ATF7IP: variants seen among roughly 807,000 people sequenced by gnomAD.
ATF7IP encodes activating transcription factor 7-interacting protein 1.
ATF7IP carries 23 observed loss-of-function variants against 106.4 expected under a neutral mutation model. The observed-to-expected ratio is 0.22, with a 90% CI of 0.16 to 0.31. The LOEUF is 0.31. Ranked by LOEUF, ATF7IP falls within the 10% of genes least tolerant of loss-of-function variation. The probability of loss-of-function intolerance (pLI) is 1.00; values close to 1 mark genes in which losing one functional copy is unlikely to be tolerated. For synonymous variants in ATF7IP, 542 were observed against 539.0 expected (o/e 1.01, Z -0.08); for missense variants, 1,334 against 1,524.3 (o/e 0.88, Z 2.08).
rs896071137 is a variant in ATF7IP at position 14,424,601 on chromosome 12, T to C, written c.686T>C (p.Ile229Thr). ...TCTGGTGATTGTGCCGCTGATGATA[T>C]AGCCTCTAGTGAAATAACTTCTGTT... ...PISGDCAADD[I>T]ASSEITSVDL... Residue 229 changes from isoleucine to threonine, a missense_variant, in exon 2 of 15, where the codon ATA (isoleucine) becomes ACA (threonine). Physicochemically the swap from Ile to Thr is moderately conservative, Grantham distance 89. Around this residue, in one of 10 missense-constraint regions of ATF7IP, gnomAD observed 438 missense variants for 405.3 expected, o/e 1.08. Transcript: ENST00000261168. The C allele has an allele frequency of 6.8e-6, 11 of 1,613,980 alleles. No homozygotes were observed. The African/African-American group carries it at 9.4e-5, about 14-fold the overall frequency.
At position 14,501,839 on chromosome 12, in the gene ATF7IP, T is replaced by C. The variant is rs1365788347; in HGVS notation, c.*3766T>C. On this transcript the variant is annotated 3_prime_UTR_variant, in exon 15 of 15. Transcript: ENST00000261168. ...ACTGGGTAAGTGTTAACTTAGTTTT[T>C]GTTGTTTGCTCTTTTGCTTTAAATA... 6.6e-6 allele frequency: 1 copy of C among 152,242 alleles called. No homozygotes were observed. The highest frequency in any genetic ancestry group is 1.5e-5 in the Non-Finnish European group (1 of 68,042). The allele number at this position is 152,242 out of a possible 1,614,324, so 9.4% of individuals were successfully genotyped here. A position where few individuals can be genotyped will look rare whatever the true frequency, so the allele number is the denominator to read the frequency against.
At chr12:14,434,719 A>C (rs1025595611) in intron 3 of ATF7IP, among the ~76,000 whole-genome samples, 1 of 152,192 alleles carries the variant, frequency 6.6e-6, no homozygotes. Context: ...TGTTTAGAGA[A>C]TGAAACTACA....
At chr12:14,469,395 A>T (rs1943956076) in intron 10 of ATF7IP, among the ~76,000 whole-genome samples, 1 of 149,790 alleles carries the variant, frequency 6.7e-6, no homozygotes, top group African/African-American at 2.4e-5. Flanking sequence ...TTGGACATCT[A>T]GTGTGGAAAT....
intron 6 of ATF7IP, 106 bp downstream of exon 6, chr12:14,447,159 A>T (rs1356164332): frequency 2.3e-6 from 2 of 851,622 alleles, no homozygotes; most frequent in African/African-American, 3.5e-5. Flanking sequence ...ATTTGCTTTC[A>T]TACTGTGTAC....
intron 13 of ATF7IP, among the ~76,000 whole-genome samples, chr12:14,486,414 A>G (rs1039652565): frequency 6.6e-6 from 1 of 152,088 alleles, no homozygotes; most frequent in Non-Finnish European, 1.5e-5. Context: ...CACTGCGTAA[A>G]TTGTCAGGAA....
chr12:14,433,729 A>G (rs931809836), intron 2 of ATF7IP, among the ~76,000 whole-genome samples: 2 of 152,130 alleles, frequency 1.3e-5, no homozygotes, highest in Non-Finnish European at 2.9e-5. Context: ...CTATATGATG[A>G]CAAAAAATAC....
chr12:14,426,003 A>G (rs1250364691), intron 2 of ATF7IP, among the ~76,000 whole-genome samples: 1 of 152,046 alleles, frequency 6.6e-6, no homozygotes, highest in Non-Finnish European at 1.5e-5. Context: ...GACTTTACCC[A>G]TTTGCTCCCT....
chr12:14,403,433 C>G (rs893210541), intron 1 of ATF7IP, among the ~76,000 whole-genome samples: 3 of 152,142 alleles, frequency 2.0e-5, no homozygotes, highest in Non-Finnish European at 4.4e-5. Flanking sequence ...CCTTAATGAT[C>G]TAACATAGTC....
intron 1 of ATF7IP, among the ~76,000 whole-genome samples, chr12:14,410,660 G>C (rs73304271): frequency 0.018 from 2,689 of 152,166 alleles, 45 homozygotes; most frequent in Middle Eastern, 0.065. Flanking sequence ...TTATACTTCT[G>C]TGAAACGAAC....
In ATF7IP at chr12:14,488,332, G is replaced by A. The variant is rs189416234; in HGVS notation, c.3280+7147G>A. Among the ~76,000 whole-genome samples, 5 of 152,210 alleles carry A rather than the reference G, an allele frequency of 3.3e-5. No homozygotes were observed. The East Asian group carries it at 9.7e-4, about 29-fold the overall frequency. On this transcript the variant is annotated intron_variant, in intron 13 of 14. Coordinates refer to ENST00000261168, the MANE Select transcript of ATF7IP (RefSeq NM_018179.5). ...CAATAGTCTATCTGCAAGCTTAGGA[G>A]CAAGGAAAGCTAGTCTGACACCCAA...
chr12:14,374,029 C>T (rs2136397470), intron 1 of ATF7IP, among the ~76,000 whole-genome samples: 1 of 123,478 alleles, frequency 8.1e-6, no homozygotes, highest in South Asian at 2.7e-4. Flanking sequence ...ATTATTTTAT[C>T]CAGATTTTTT....
intron 1 of ATF7IP, among the ~76,000 whole-genome samples, chr12:14,406,592 T>TAAA (rs536916065): frequency 1.4e-5 from 2 of 141,740 alleles, no homozygotes; most frequent in East Asian, 4.0e-4. Context: ...ATGTAACATT[T>TAAA]AAAAAAAAAA....
At chr12:14,438,514 A>G (rs967837349) in intron 5 of ATF7IP, among the ~76,000 whole-genome samples, 1 of 152,198 alleles carries the variant, frequency 6.6e-6, no homozygotes, top group African/African-American at 2.4e-5. Flanking sequence ...TCAGCAGTGT[A>G]GATTCTTTTT....
chr12:14,436,137 A>T lies in ATF7IP; in HGVS notation c.1677A>T (p.Ser559=), dbSNP rs1238750663. The T allele has an allele frequency of 6.2e-7, 1 of 1,613,304 alleles. No homozygotes were observed. The highest frequency in any genetic ancestry group is 1.1e-5 in the South Asian group (1 of 90,944). ...TTTCTAGACGAAAACGTTCTAAATC[A>T]GAAGACATGGACAATGTACAGTCTA... ...NEFSRRKRSK[S]EDMDNVQSKR... Residue 559 remains serine, a synonymous_variant, in exon 4 of 15, where the codon TCA becomes TCT. Transcript: ENST00000261168.
intron 1 of ATF7IP, among the ~76,000 whole-genome samples, chr12:14,389,676 G>C (rs777980560): frequency 3.9e-5 from 6 of 152,082 alleles, no homozygotes; most frequent in Non-Finnish European, 7.4e-5. Context: ...TGCCTAGGCT[G>C]GAGTGCAATG....
chr12:14,457,261 T>G lies in ATF7IP; in HGVS notation c.2124T>G (p.Ser708Arg). 6.2e-7 allele frequency: 1 copy of G among 1,613,126 alleles called. No homozygotes were observed. The highest frequency in any genetic ancestry group is 8.5e-7 in the Non-Finnish European group (1 of 1,179,750). Residue 708 changes from serine to arginine, a missense_variant, in exon 8 of 15, where the codon AGT becomes AGG. By Grantham distance (110) the Ser-to-Arg change is moderately radical. Transcript: ENST00000261168. ...AGTCCAAAAGAAATGTAAGCGAGAG[T>G]GCACCACCATCCTTTCAAACTCCTG... ...MLESKRNVSE[S>R]APPSFQTPVN...
chr12:14,421,764 C>G (rs1268831224), intron 1 of ATF7IP, among the ~76,000 whole-genome samples: 1 of 152,086 alleles, frequency 6.6e-6, no homozygotes, highest in African/African-American at 2.4e-5. Flanking sequence ...ACCAGACATT[C>G]AGTTTAGGCA....
chr12:14,483,979 G>A (rs947772359), intron 13 of ATF7IP, among the ~76,000 whole-genome samples: 1 of 152,122 alleles, frequency 6.6e-6, no homozygotes, highest in African/African-American at 2.4e-5. Context: ...CTTGGCAGAA[G>A]CATTGTGTGC....
At chr12:14,471,281 T>C (rs1440285811) in intron 10 of ATF7IP, among the ~76,000 whole-genome samples, 9 of 152,206 alleles carry the variant, frequency 5.9e-5, no homozygotes, top group Admixed American at 5.9e-4. Context: ...TAAATGTCAA[T>C]ATAGCATGGT....
Sources: allele counts gnomAD v4.1 joint callset (sites outside exome capture counted in the v4.1 genomes callset), GRCh38; gene constraint gnomAD v4.1.1; regional missense constraint gnomAD v4.1.1; transcripts MANE v1.5; gene names NCBI Gene and HGNC (gene_info 2026-07-23, HGNC 2026-07-21).